GTPBP6: variants seen among roughly 807,000 people sequenced by gnomAD.
GTPBP6 encodes the protein GTP binding protein 6, also known as putative GTP-binding protein 6.
A neutral mutation model predicts 28.9 loss-of-function variants in GTPBP6; 33 were observed. The ratio of observed to expected loss-of-function variants is 1.14; its 90% confidence interval spans 0.87 to 1.53. The LOEUF (loss-of-function observed/expected upper bound fraction) is 1.53. GTPBP6 is among the 40% of genes most tolerant of loss of function. GTPBP6 has a pLI of 0.00. For missense variants in GTPBP6, 507 were observed against 408.3 expected, an observed-to-expected ratio of 1.24 and a Z score of -2.08; for synonymous variants, 231 against 192.7, an observed-to-expected ratio of 1.20 and a Z score of -1.65.
intron 2 of GTPBP6, among the ~76,000 whole-genome samples, chrX:315,570 ACACAC>A (rs2070416139): frequency 6.6e-6 from 1 of 150,902 alleles, no homozygotes; most frequent in Non-Finnish European, 1.5e-5. Flanking sequence ...ACACACACAC[ACACAC>A]ACACACACAC....
chrX:317,801 A>G (rs1386006430), intron 1 of GTPBP6, among the ~76,000 whole-genome samples: 1 of 101,484 alleles, frequency 9.9e-6, no homozygotes, highest in African/African-American at 3.7e-5. Flanking sequence ...CTTTTACCCC[A>G]TAGGCCCCTC....
intron 9 of GTPBP6, among the ~76,000 whole-genome samples, chrX:306,234 C>T (rs919403817): frequency 1.3e-5 from 2 of 148,440 alleles, no homozygotes; most frequent in Admixed American, 1.3e-4. Flanking sequence ...AGATTAGGCA[C>T]CTGTTGTATG....
intron 4 of GTPBP6, among the ~76,000 whole-genome samples, 186 bp from the exon 5 acceptor site, chrX:314,403 G>A (rs764386479): frequency 2.6e-5 from 4 of 152,282 alleles, no homozygotes; most frequent in Non-Finnish European, 5.9e-5. Flanking sequence ...GAGGGGACCT[G>A]CCTAGTGGGG....
rs965119005 is a variant in GTPBP6 at position 307,313 on chromosome X, A to G, written c.1427+47T>C. The G allele has an allele frequency of 2.5e-6, 4 of 1,578,150 alleles. No homozygotes were observed. In the African/African-American group the frequency reaches 5.4e-5, roughly 21 times the overall value. ...AAGAGCCCGTTTCAGAGCCAGAGAC[A>G]GGCATCCAAAGCACCATCCCGTCTC... On this transcript the variant is annotated intron_variant, in intron 9 of 9. Coordinates refer to ENST00000326153, the Ensembl canonical transcript of GTPBP6.
At position 305,688 on chromosome X, in the gene GTPBP6, G is replaced by A. The variant is rs189773726; in HGVS notation, c.1428-491C>T. On this transcript the variant is annotated intron_variant, in intron 9 of 9. Coordinates refer to ENST00000326153, the Ensembl canonical transcript of GTPBP6. The stretch of plus-strand genomic sequence containing the variant: ...TCGCCAGGCTGGGGTGCAGTGGCAC[G>A]ATCTTGGCTCACTGCAACCTCGGCC... Among the ~76,000 whole-genome samples the A allele has an allele frequency of 3.4e-3, 503 of 147,870 alleles. 27 individuals carry two copies. The highest frequency in any genetic ancestry group is 0.012 in the African/African-American group (463 of 38,828).
intron 5 of GTPBP6, among the ~76,000 whole-genome samples, chrX:313,750 G>C (rs2070364257): frequency 6.6e-6 from 1 of 152,064 alleles, no homozygotes; most frequent in Non-Finnish European, 1.5e-5. Context: ...CAAACCCAGG[G>C]ATGCCTGGAG....
intron 7 of GTPBP6, 71 bp from the exon 8 acceptor site, chrX:307,951 A>G (rs2070208057): frequency 6.7e-6 from 9 of 1,338,546 alleles, no homozygotes; most frequent in Non-Finnish European, 8.9e-6. Flanking sequence ...AGACAGGCCC[A>G]GGAGAGGGGC....
At chrX:313,761 C>A (rs772072469) in intron 5 of GTPBP6, among the ~76,000 whole-genome samples, 4 of 152,140 alleles carry the variant, frequency 2.6e-5, no homozygotes, top group African/African-American at 7.2e-5. Flanking sequence ...ATGCCTGGAG[C>A]CCCCAGGAGC....
Position 311,897 on chromosome X carries a change from G to C in GTPBP6, c.917-270C>G, listed in dbSNP as rs185026101. The C allele has an allele frequency of 1.8e-3, 1,099 of 601,606 alleles. 8 individuals are homozygous for C. In the African/African-American group the frequency reaches 0.018, roughly 10 times the overall value. The allele number at this position is 601,606 out of a possible 1,614,324, so 37.3% of individuals were successfully genotyped here. On this transcript the variant is annotated intron_variant, in intron 6 of 9. Transcript: ENST00000326153. Reference sequence around the variant, plus strand: ...GGTGTGCGTGTGAAGGCGTGGATGGGAGTGAGGTCGTCTGTGTAGATTTGG... The same window carrying C: ...GGTGTGCGTGTGAAGGCGTGGATGGCAGTGAGGTCGTCTGTGTAGATTTGG...
chrX:315,539 CACAT>C (rs1336373112), intron 2 of GTPBP6, among the ~76,000 whole-genome samples: 1,339 of 120,066 alleles, frequency 0.011, 15 homozygotes, highest in Non-Finnish European at 0.016. Context: ...GGGACACAAA[CACAT>C]ACACACGCAG....
intron 5 of GTPBP6, among the ~76,000 whole-genome samples, chrX:313,870 G>A (rs2070367091): frequency 6.6e-6 from 1 of 152,080 alleles, no homozygotes; most frequent in Non-Finnish European, 1.5e-5. Context: ...GATCTCTGCT[G>A]TTTAAATCCC....
At chrX:305,826 G>A (rs1009150921) in intron 9 of GTPBP6, among the ~76,000 whole-genome samples, 19 of 151,822 alleles carry the variant, frequency 1.3e-4, no homozygotes, top group Non-Finnish European at 1.2e-4. Context: ...GGGTTTCACC[G>A]TGTTAGCCAG....
intron 4 of GTPBP6, among the ~76,000 whole-genome samples, chrX:314,525 T>G (rs1182493204): frequency 1.3e-5 from 2 of 150,616 alleles, no homozygotes; most frequent in African/African-American, 2.4e-5. Context: ...CAGGCTGGAG[T>G]GCAGTGGCGT....
At chrX:315,277 G>A (rs1348483517) in exon 3 of GTPBP6, 3 of 398,576 alleles carry the variant, frequency 7.5e-6, no homozygotes, top group East Asian at 3.6e-5. Flanking sequence ...CGCACGTGAT[G>A]TCTGGAGACC....
At chrX:317,385 G>A (rs1177402103) in intron 1 of GTPBP6, among the ~76,000 whole-genome samples, 16 of 152,088 alleles carry the variant, frequency 1.1e-4, no homozygotes, top group African/African-American at 1.9e-4. Flanking sequence ...GAGGCAAGAG[G>A]TCTGCGCGCT....
intron 5 of GTPBP6, among the ~76,000 whole-genome samples, chrX:313,764 C>A (rs1470706631): frequency 6.6e-6 from 1 of 152,160 alleles, no homozygotes; most frequent in Non-Finnish European, 1.5e-5. Context: ...CCTGGAGCCC[C>A]CAGGAGCTGG....
At chrX:305,114 TTGC>T (rs1399313832) in exon 10 of GTPBP6, 39 of 1,613,328 alleles carry the variant, frequency 2.4e-5, no homozygotes, top group Non-Finnish European at 2.8e-5. Context: ...GTAGGCTGAG[TTGC>T]TGATGATGAC....
chrX:317,173 C>T (rs1470386568), intron 1 of GTPBP6, 122 bp from the exon 2 acceptor site: 4 of 397,988 alleles, frequency 1.0e-5, no homozygotes, highest in Non-Finnish European at 1.8e-5. Flanking sequence ...CTTGAGCCGC[C>T]GTTTGTCCCC....
chrX:312,545 C>T (rs1195080949), intron 6 of GTPBP6: 1 of 699,696 alleles, frequency 1.4e-6, no homozygotes, highest in Non-Finnish European at 2.6e-6. Context: ...GGCTGCTGTA[C>T]CCCACACAGA....
Sources: allele counts gnomAD v4.1 joint callset (sites outside exome capture counted in the v4.1 genomes callset), GRCh38; gene constraint gnomAD v4.1.1; transcripts MANE v1.5; gene names NCBI Gene and HGNC (gene_info 2026-07-23, HGNC 2026-07-21).